The following PRELID2 variants were observed in gnomAD, a reference collection of about 807,000 sequenced individuals.
The protein encoded by PRELID2 is PRELI domain-containing protein 2.
Under a neutral mutation model 28.4 loss-of-function variants are expected in PRELID2, and 25 were observed. The ratio of observed to expected loss-of-function variants is 0.88; its 90% confidence interval spans 0.64 to 1.23. The LOEUF is 1.23. Ranked by LOEUF, PRELID2 falls within the 50% of genes most tolerant of loss-of-function variation. The probability of loss-of-function intolerance (pLI) is 0.00; values close to 1 mark genes in which losing one functional copy is unlikely to be tolerated. For missense variants in PRELID2, 201 were observed against 214.4 expected (o/e 0.94, Z 0.39); for synonymous variants, 76 against 71.6 (o/e 1.06, Z -0.31).
At chr5:145,660,826 T>C (rs995191646) in intron 1 of PRELID2, among the ~76,000 whole-genome samples, 1 of 152,174 alleles carries the variant, frequency 6.6e-6, no homozygotes, top group Non-Finnish European at 1.5e-5. Context: ...AATAAAATTG[T>C]CTCAAAAAAT....
the PRELID2 span, among the ~76,000 whole-genome samples, chr5:145,277,906 A>G: frequency 1.3e-5 from 2 of 152,088 alleles, no homozygotes; most frequent in East Asian, 3.9e-4. Context: ...TTCTCACACT[A>G]GTGTTAATTT....
In PRELID2 at chr5:145,650,523, CATATATACATATATATAT is replaced by C. The variant is rs1262164146; in HGVS notation, n.70+114390_70+114407del. Among the ~76,000 whole-genome samples, 325 of 91,712 alleles carry C rather than the reference CATATATACATATATATAT, an allele frequency of 3.5e-3. 1 individual carries two copies. The highest frequency in any genetic ancestry group is 3.8e-3 in the Non-Finnish European group (182 of 48,152). 60.2% of individuals were successfully genotyped at this position (91,712 alleles called of 152,430 possible). ...TGAATTTTGAGCATATCGAATCGCA[CATATATACATATATATAT>C]ATATATATATATATATATATATATA... On this transcript the variant is annotated intron_variant and non_coding_transcript_variant, in intron 1 of 2. Coordinates refer to the PRELID2 transcript ENST00000510259.
chr5:145,269,172 G>A, the PRELID2 span, among the ~76,000 whole-genome samples: 1 of 152,150 alleles, frequency 6.6e-6, no homozygotes, highest in African/African-American at 2.4e-5. Flanking sequence ...ATTACAAGCT[G>A]ACTGTAGAAT....
At chr5:145,325,792 A>C in the PRELID2 span, among the ~76,000 whole-genome samples, 4 of 151,966 alleles carry the variant, frequency 2.6e-5, no homozygotes, top group Non-Finnish European at 5.9e-5. Flanking sequence ...CTGCTTTTCT[A>C]TGTCAAAAGG....
chr5:145,729,142 C>A (rs1269592613), intron 1 of PRELID2: 2 of 608,162 alleles, frequency 3.3e-6, no homozygotes, highest in Admixed American at 2.5e-5. Context: ...TCCCACTGAG[C>A]TTCTTTGACT....
chr5:145,712,743 C>T (rs1755728607), intron 1 of PRELID2, among the ~76,000 whole-genome samples: 2 of 151,486 alleles, frequency 1.3e-5, no homozygotes, highest in African/African-American at 2.4e-5. Flanking sequence ...AAATATAAGA[C>T]AGTAAATTTG....
chr5:145,333,740 T>C, the PRELID2 span, among the ~76,000 whole-genome samples: 1 of 151,542 alleles, frequency 6.6e-6, no homozygotes, highest in Non-Finnish European at 1.5e-5. Flanking sequence ...CTAGACCACT[T>C]TGCTCCCTGG....
At chr5:145,429,497 A>G in the PRELID2 span, among the ~76,000 whole-genome samples, 1 of 152,164 alleles carries the variant, frequency 6.6e-6, no homozygotes, top group East Asian at 1.9e-4. Flanking sequence ...TTAGTGAGAT[A>G]TGGAGTAGGC....
chr5:145,646,909 C>T (rs997311880), intron 1 of PRELID2, among the ~76,000 whole-genome samples: 1 of 152,280 alleles, frequency 6.6e-6, no homozygotes, highest in African/African-American at 2.4e-5. Context: ...CGGAATGGCA[C>T]CTGCCAGATG....
the PRELID2 span, among the ~76,000 whole-genome samples, chr5:145,284,288 T>C: frequency 6.6e-6 from 1 of 152,182 alleles, no homozygotes; most frequent in Non-Finnish European, 1.5e-5. Context: ...GCTTTTTTGT[T>C]TGTTTTCTTT....
chr5:145,425,188 A>C, the PRELID2 span, among the ~76,000 whole-genome samples: 2 of 152,230 alleles, frequency 1.3e-5, no homozygotes, highest in Non-Finnish European at 2.9e-5. Flanking sequence ...AAAGAAATGC[A>C]AATCAAAACC....
chr5:145,791,159 G>A (rs1752364555), intron 5 of PRELID2, among the ~76,000 whole-genome samples: 2 of 152,072 alleles, frequency 1.3e-5, no homozygotes, highest in Admixed American at 6.6e-5. Flanking sequence ...TGAGGAGCAA[G>A]TCACGTCTTA....
chr5:145,637,407 C>T (rs1424951331), intron 1 of PRELID2, among the ~76,000 whole-genome samples: 1 of 152,074 alleles, frequency 6.6e-6, no homozygotes, highest in Non-Finnish European at 1.5e-5. Flanking sequence ...ACTCTAGAAC[C>T]TAGTCCCCTC....
chr5:145,799,526 T>A (rs1025829056), intron 4 of PRELID2, among the ~76,000 whole-genome samples: 1 of 152,068 alleles, frequency 6.6e-6, no homozygotes, highest in African/African-American at 2.4e-5. Flanking sequence ...TGGGAGTGTG[T>A]CAGCAATTGG....
chr5:145,748,997 T>C (rs1195180166), intron 1 of PRELID2, among the ~76,000 whole-genome samples: 1 of 152,090 alleles, frequency 6.6e-6, no homozygotes, highest in Non-Finnish European at 1.5e-5. Context: ...AAGACTTAAA[T>C]GTAAAACCCC....
chr5:145,504,374 A>G (rs1424702927), intron 1 of PRELID2, among the ~76,000 whole-genome samples: 2 of 152,212 alleles, frequency 1.3e-5, no homozygotes, highest in African/African-American at 2.4e-5. Flanking sequence ...CTTAATAAAC[A>G]GAAGCTACTA....
At chr5:145,616,131 T>C (rs1197156574) in intron 1 of PRELID2, among the ~76,000 whole-genome samples, 1 of 152,238 alleles carries the variant, frequency 6.6e-6, no homozygotes, top group African/African-American at 2.4e-5. Flanking sequence ...TAGGTTTTCC[T>C]TCATAGGTTA....
intron 1 of PRELID2, among the ~76,000 whole-genome samples, chr5:145,750,334 C>G (rs977837583): frequency 6.6e-6 from 1 of 151,598 alleles, no homozygotes; most frequent in African/African-American, 2.4e-5. Flanking sequence ...TATTGTTACT[C>G]CCTCACATAT....
At chr5:145,715,418 T>C (rs1011417992) in intron 1 of PRELID2, among the ~76,000 whole-genome samples, 14 of 152,148 alleles carry the variant, frequency 9.2e-5, no homozygotes, top group Non-Finnish European at 1.8e-4. Context: ...ATTGCTATAC[T>C]TTCTAACTGA....
Sources: gnomAD v4.1 joint callset for allele counts (sites outside exome capture counted in the v4.1 genomes callset) on GRCh38, gnomAD v4.1.1 for gene constraint, MANE v1.5 for transcripts, NCBI Gene and HGNC (gene_info 2026-07-23, HGNC 2026-07-21) for gene names.